The following SLC13A3 variants were observed in gnomAD, a reference collection of about 807,000 sequenced individuals.
SLC13A3 encodes the protein solute carrier family 13 member 3.
A neutral mutation model predicts 59.0 loss-of-function variants in SLC13A3; 40 were observed. That is an observed-to-expected ratio of 0.68 (90% CI 0.53 to 0.88). The LOEUF is 0.88. SLC13A3 is among the 40% of genes least tolerant of loss of function. The pLI is 0.00. For synonymous variants in SLC13A3, 317 were observed against 330.3 expected (o/e 0.96, Z 0.44); for missense variants, 699 against 783.2 (o/e 0.89, Z 1.28).
At position 46,558,959 on chromosome 20, in the gene SLC13A3, C is replaced by G. The variant is rs761070229; in HGVS notation, c.*1063G>C. 6.6e-6 allele frequency: 1 copy of G among 151,944 alleles called. No homozygotes were observed. Among genetic ancestry groups the G allele is most frequent in the Non-Finnish European group, 1.5e-5 (1 of 68,012 alleles). The allele number at this position is 151,944 out of a possible 1,614,324, so 9.4% of individuals were successfully genotyped here. ...GACACCACTTCCAGCCTCGGGCTCA[C>G]GGGGACGTCTCAGTTTTACCCATAT... On this transcript the variant is annotated 3_prime_UTR_variant, in exon 13 of 13. Coordinates refer to ENST00000279027, the MANE Select transcript of SLC13A3 (RefSeq NM_022829.6).
intron 5 of SLC13A3, among the ~76,000 whole-genome samples, chr20:46,595,030 T>C (rs2062296674): frequency 6.6e-6 from 1 of 152,208 alleles, no homozygotes; most frequent in African/African-American, 2.4e-5. Context: ...GATTCTTTGG[T>C]TGGCCAACAG....
chr20:46,576,408 G>C (rs918788658), intron 9 of SLC13A3, among the ~76,000 whole-genome samples: 1 of 152,106 alleles, frequency 6.6e-6, no homozygotes, highest in East Asian at 1.9e-4. Context: ...ACCTTCCTCA[G>C]TCTTGGCTTA....
At chr20:46,656,269 T>C (rs1020341719), upstream of SLC13A3, among the ~76,000 whole-genome samples, 3 of 76,400 alleles carry the variant, frequency 3.9e-5, no homozygotes, top group Non-Finnish European at 7.6e-5. Context: ...ATATAGACTG[T>C]ACAGTATATA....
intron 3 of SLC13A3, chr20:46,608,674 C>A: frequency 1.9e-6 from 1 of 524,786 alleles, no homozygotes; most frequent in Non-Finnish European, 3.2e-6. Flanking sequence ...ATGTGACTGT[C>A]AGTGAGATTA....
At chr20:46,640,317 G>A (rs186992921) in intron 1 of SLC13A3, among the ~76,000 whole-genome samples, 3 of 152,252 alleles carry the variant, frequency 2.0e-5, no homozygotes, top group Admixed American at 1.3e-4. Context: ...GGAGAGTAGA[G>A]CTAAAAGGGT....
At chr20:46,652,784 T>G (rs1052779532), upstream of SLC13A3, among the ~76,000 whole-genome samples, 4 of 152,194 alleles carry the variant, frequency 2.6e-5, no homozygotes, top group African/African-American at 9.7e-5. Flanking sequence ...AACTGTTGGG[T>G]TGCCCAGTAT....
intron 1 of SLC13A3, among the ~76,000 whole-genome samples, chr20:46,637,575 A>G (rs1303879887): frequency 1.3e-5 from 2 of 152,176 alleles, no homozygotes; most frequent in Admixed American, 1.3e-4. Flanking sequence ...CCAAGAGGTC[A>G]TTTGTAAGGC....
At chr20:46,633,639 G>A (rs1048318884) in intron 1 of SLC13A3, among the ~76,000 whole-genome samples, 4 of 152,176 alleles carry the variant, frequency 2.6e-5, no homozygotes, top group African/African-American at 9.7e-5. Context: ...CACATGTTGA[G>A]CCCTTACTAC....
At chr20:46,620,155 A>G (rs2062600288) in intron 1 of SLC13A3, among the ~76,000 whole-genome samples, 1 of 152,250 alleles carries the variant, frequency 6.6e-6, no homozygotes, top group Non-Finnish European at 1.5e-5. Flanking sequence ...CATTTATTGA[A>G]TGTTACTATG....
chr20:46,632,912 T>TAGCTCTTTATCTACCCACCCAG (rs1555881882), intron 1 of SLC13A3, among the ~76,000 whole-genome samples: 11,688 of 54,418 alleles, frequency 0.21, 1,343 homozygotes, highest in Middle Eastern at 0.33. Context: ...TAGATAGATA[T>TAGCTCTTTATCTACCCACCCAG]ATCTATCTAT....
chr20:46,609,225 C>T (rs1351330490), intron 3 of SLC13A3, among the ~76,000 whole-genome samples: 1 of 152,144 alleles, frequency 6.6e-6, no homozygotes, highest in Non-Finnish European at 1.5e-5. Flanking sequence ...CCAGGGGAAC[C>T]AGAGTTGCCA....
At chr20:46,612,076 T>TTTC (rs1285803265) in intron 2 of SLC13A3, among the ~76,000 whole-genome samples, 130 of 151,878 alleles carry the variant, frequency 8.6e-4, no homozygotes, top group Middle Eastern at 3.4e-3. Flanking sequence ...TTCTTTTTTT[T>TTTC]CTTTCTGTCT....
chr20:46,607,481 G>A (rs2062447502), intron 3 of SLC13A3, among the ~76,000 whole-genome samples: 1 of 152,168 alleles, frequency 6.6e-6, no homozygotes, highest in Non-Finnish European at 1.5e-5. Flanking sequence ...GGTCTTAGAA[G>A]CTGATCATTA....
chr20:46,650,956 G>A (rs549327088), intron 1 of SLC13A3, among the ~76,000 whole-genome samples: 51 of 152,252 alleles, frequency 3.3e-4, no homozygotes, highest in Non-Finnish European at 5.4e-4. Context: ...GGGAGGCTGC[G>A]GAAGGAGGAT....
chr20:46,618,172 T>G (rs1190165463), intron 1 of SLC13A3, among the ~76,000 whole-genome samples: 1 of 150,462 alleles, frequency 6.6e-6, no homozygotes, highest in African/African-American at 2.5e-5. Flanking sequence ...CATTCAAGGT[T>G]TGGTGCCCAG....
intron 2 of SLC13A3, among the ~76,000 whole-genome samples, chr20:46,613,159 T>C (rs929407613): frequency 6.6e-6 from 1 of 151,738 alleles, no homozygotes; most frequent in African/African-American, 2.4e-5. Context: ...TCCAAAACTA[T>C]GGGACTGGAA....
chr20:46,683,830 G>T (rs1319625638), intron 1 of SLC13A3, among the ~76,000 whole-genome samples: 6 of 152,196 alleles, frequency 3.9e-5, no homozygotes, highest in African/African-American at 1.4e-4. Context: ...AGCAGTTGGA[G>T]CATGCTCGCC....
At chr20:46,650,965 A>G (rs1287348982) in intron 1 of SLC13A3, among the ~76,000 whole-genome samples, 2 of 152,078 alleles carry the variant, frequency 1.3e-5, no homozygotes. Context: ...CGGAAGGAGG[A>G]TCGCTTAAGT....
intron 10 of SLC13A3, among the ~76,000 whole-genome samples, chr20:46,567,448 G>A (rs2061990724): frequency 6.6e-6 from 1 of 151,986 alleles, no homozygotes; most frequent in African/African-American, 2.4e-5. Context: ...GACTTGCCCA[G>A]GATCCCTAAA....
Sources: gnomAD v4.1 joint callset for allele counts (sites outside exome capture counted in the v4.1 genomes callset) on GRCh38, gnomAD v4.1.1 for gene constraint, MANE v1.5 for transcripts, NCBI Gene and HGNC (gene_info 2026-07-23, HGNC 2026-07-21) for gene names.